The following SMARCC1 variants were observed in gnomAD, a reference collection of about 807,000 sequenced individuals.
SMARCC1 encodes SWI/SNF complex subunit SMARCC1.
In SMARCC1, 43 loss-of-function variants were observed where a neutral mutation model predicts 147.4. The observed-to-expected ratio is 0.29, with a 90% CI of 0.23 to 0.38. The LOEUF (loss-of-function observed/expected upper bound fraction) is 0.38. SMARCC1 is among the 10% of genes least tolerant of loss of function. The probability of loss-of-function intolerance (pLI) is 1.00; values close to 1 mark genes in which losing one functional copy is unlikely to be tolerated. For missense variants in SMARCC1, 1,119 were observed against 1,381.1 expected, an observed-to-expected ratio of 0.81 and a Z score of 3.01; for synonymous variants, 495 against 484.4, an observed-to-expected ratio of 1.02 and a Z score of -0.29.
intron 21 of SMARCC1, among the ~76,000 whole-genome samples, chr3:47,643,485 C>A (rs2033075468): frequency 6.6e-6 from 1 of 151,308 alleles, no homozygotes; most frequent in Non-Finnish European, 1.5e-5. Context: ...CATAATGTAA[C>A]CACATGAATA....
chr3:47,749,478 T>C (rs572519134), intron 2 of SMARCC1, among the ~76,000 whole-genome samples: 15 of 151,406 alleles, frequency 9.9e-5, no homozygotes, highest in South Asian at 6.2e-4. Flanking sequence ...CTGGGCAACA[T>C]AGCGAAACCT....
chr3:47,676,666 G>T lies in SMARCC1; in HGVS notation c.1688C>A (p.Pro563His), dbSNP rs764350532. The T allele has an allele frequency of 3.1e-6, 5 of 1,613,848 alleles. No individual in the cohort carries two copies. The highest frequency in any genetic ancestry group is 3.4e-6 in the Non-Finnish European group (4 of 1,179,870). The change falls in exon 17 of 28, where the codon CCC becomes CAC. Residue 563 changes from proline to histidine, a missense_variant. Coordinates refer to ENST00000254480, the MANE Select transcript of SMARCC1 (RefSeq NM_003074.4). ...AAGATGCAGAGGCACAAGCCCAGAG[G>T]GGGTATCAGCTAATACATTAAAATG... The part of the protein sequence containing the change: ...TPHFNVLADT[P>H]SGLVPLHLRS...
Position 47,639,480 on chromosome 3 carries a change from G to A in SMARCC1, c.2321-700C>T, listed in dbSNP as rs181718918. ...TGTAATCCCAGCACTTTGGGAGGCC[G>A]AGGCGGCTGCATCACAAGGTCAGGA... On this transcript the variant is annotated intron_variant, in intron 21 of 27. Coordinates refer to ENST00000254480, the MANE Select transcript of SMARCC1 (RefSeq NM_003074.4). Among the ~76,000 whole-genome samples, 10 of 152,246 alleles carry A rather than the reference G, an allele frequency of 6.6e-5. No homozygotes were observed. The East Asian group carries it at 1.2e-3, about 18-fold the overall frequency.
chr3:47,778,279 G>T (rs965519126), intron 1 of SMARCC1, among the ~76,000 whole-genome samples: 18 of 149,580 alleles, frequency 1.2e-4, no homozygotes, highest in African/African-American at 3.0e-4. Flanking sequence ...AATTAATCTG[G>T]TTTTTTTTTG....
intron 6 of SMARCC1, among the ~76,000 whole-genome samples, chr3:47,721,360 T>C (rs1192940463): frequency 6.6e-6 from 1 of 152,158 alleles, no homozygotes; most frequent in Non-Finnish European, 1.5e-5. Flanking sequence ...TTTTCAAAAA[T>C]TTTTTCCAAA....
In SMARCC1 at chr3:47,624,087, C is replaced by T. The variant is rs1330388473; in HGVS notation, c.2647-1746G>A. On this transcript the variant is annotated intron_variant, in intron 24 of 27. Transcript: ENST00000254480. ...GGCAGATCACATGAGATCAGGAGTTCGAGACCAGCCCGGCCAACACAGCAA... is the reference window on the plus strand; with the variant it reads ...GGCAGATCACATGAGATCAGGAGTTTGAGACCAGCCCGGCCAACACAGCAA... Among the ~76,000 whole-genome samples the T allele has an allele frequency of 3.9e-5, 6 of 151,990 alleles. No homozygotes were observed. The East Asian group carries it at 5.8e-4, about 15-fold the overall frequency.
At chr3:47,781,404 G>GA (rs1443979717) in intron 1 of SMARCC1, among the ~76,000 whole-genome samples, 199 bp downstream of exon 1, 1 of 152,214 alleles carries the variant, frequency 6.6e-6, no homozygotes, top group Non-Finnish European at 1.5e-5. Context: ...AGGCTCAGAG[G>GA]AGAGAGCCCC....
chr3:47,733,353 G>A (rs2034399903), intron 5 of SMARCC1, among the ~76,000 whole-genome samples: 1 of 152,062 alleles, frequency 6.6e-6, no homozygotes, highest in African/African-American at 2.4e-5. Flanking sequence ...CGAGGTAGCA[G>A]GGGGAATCTC....
At chr3:47,673,645 C>T (rs879312769) in intron 18 of SMARCC1, among the ~76,000 whole-genome samples, 7 of 152,138 alleles carry the variant, frequency 4.6e-5, no homozygotes, top group African/African-American at 9.7e-5. Context: ...GCCAACATCG[C>T]GCCACTTCAC....
intron 2 of SMARCC1, among the ~76,000 whole-genome samples, chr3:47,752,167 A>T (rs2034637233): frequency 2.0e-5 from 3 of 152,200 alleles, no homozygotes; most frequent in Non-Finnish European, 4.4e-5. Flanking sequence ...TCCATACATC[A>T]AGGATTCTTA....
intron 1 of SMARCC1, among the ~76,000 whole-genome samples, chr3:47,780,563 A>G (rs2035034332): frequency 6.6e-6 from 1 of 152,220 alleles, no homozygotes; most frequent in Admixed American, 6.6e-5. Flanking sequence ...CCAAAAAAAT[A>G]GGTTCCTAAA....
At chr3:47,634,634 C>G (rs1048268181) in intron 24 of SMARCC1, among the ~76,000 whole-genome samples, 1 of 152,138 alleles carries the variant, frequency 6.6e-6, no homozygotes, top group Non-Finnish European at 1.5e-5. Flanking sequence ...TAAATTAACA[C>G]AGAGAGGAAA....
Position 47,588,729 on chromosome 3 carries a change from A to G in SMARCC1, c.3221-423T>C, listed in dbSNP as rs895136386. Among the ~76,000 whole-genome samples, 7 of 61,764 alleles carry G rather than the reference A, an allele frequency of 1.1e-4. No homozygotes were observed. In the East Asian group the frequency reaches 4.0e-3, roughly 35 times the overall value. 40.5% of individuals were successfully genotyped at this position (61,764 alleles called of 152,430 possible). ...CCCCCCCCCCGCCCCCACAGTCCCT[A>G]GCCTAGCTGGGCACAAAATAGATTA... On this transcript the variant is annotated intron_variant, in intron 27 of 27. Transcript: ENST00000254480.
chr3:47,751,251 G>C (rs957033946), intron 2 of SMARCC1, among the ~76,000 whole-genome samples: 1 of 152,022 alleles, frequency 6.6e-6, no homozygotes, highest in African/African-American at 2.4e-5. Flanking sequence ...GAATGAAGTA[G>C]AAAACAGATG....
At chr3:47,662,742 A>T (rs1225518357) in intron 19 of SMARCC1, 150 bp from the exon 20 acceptor site, 1 of 700,558 alleles carries the variant, frequency 1.4e-6, no homozygotes, top group Non-Finnish European at 2.4e-6. Flanking sequence ...GATTATTTTC[A>T]ATCAGGCAAG....
intron 6 of SMARCC1, among the ~76,000 whole-genome samples, chr3:47,726,001 G>A (rs866212645): frequency 7.6e-6 from 1 of 132,218 alleles, no homozygotes; most frequent in South Asian, 2.4e-4. Flanking sequence ...GGCGGAAGCT[G>A]CAGTGAGCCA....
At chr3:47,759,149 C>T (rs1243947143) in intron 2 of SMARCC1, among the ~76,000 whole-genome samples, 3 of 151,790 alleles carry the variant, frequency 2.0e-5, no homozygotes, top group African/African-American at 7.3e-5. Flanking sequence ...ATAGCTGGGA[C>T]GACAGGGGCC....
chr3:47,742,210 T>A (rs2034517249), intron 3 of SMARCC1, among the ~76,000 whole-genome samples: 1 of 150,894 alleles, frequency 6.6e-6, no homozygotes, highest in African/African-American at 2.4e-5. Flanking sequence ...AAACTTAATA[T>A]AAACATTCTC....
intron 7 of SMARCC1, among the ~76,000 whole-genome samples, chr3:47,719,533 T>C (rs958450105): frequency 6.6e-6 from 1 of 151,694 alleles, no homozygotes; most frequent in African/African-American, 2.4e-5. Flanking sequence ...AAACCCCGTC[T>C]CTACTAAAAA....
Sources: allele counts gnomAD v4.1 joint callset (sites outside exome capture counted in the v4.1 genomes callset), GRCh38; gene constraint gnomAD v4.1.1; transcripts MANE v1.5; gene names NCBI Gene and HGNC (gene_info 2026-07-23, HGNC 2026-07-21).